Variants in COL26A1 observed in about 807,000 individuals in gnomAD.
COL26A1 encodes the protein collagen alpha-1(XXVI) chain.
In COL26A1, 41 loss-of-function variants were observed where a neutral mutation model predicts 59.3. The observed-to-expected ratio is 0.69, with a 90% confidence interval of 0.54 to 0.90. The LOEUF is 0.90. COL26A1 is among the 40% of genes least tolerant of loss of function. COL26A1 has a pLI of 0.00. For missense variants in COL26A1, 612 were observed against 602.3 expected (o/e 1.02, Z -0.17); for synonymous variants, 266 against 256.0 (o/e 1.04, Z -0.37).
chr7:101,421,686 T>C (rs1036913144), intron 2 of COL26A1, among the ~76,000 whole-genome samples: 1 of 151,828 alleles, frequency 6.6e-6, no homozygotes, highest in African/African-American at 2.4e-5. Context: ...GTCTCATGAC[T>C]GGTGATGTTA....
intron 1 of COL26A1, among the ~76,000 whole-genome samples, chr7:101,400,588 C>T (rs1472018531): frequency 2.0e-5 from 3 of 151,034 alleles, no homozygotes; most frequent in African/African-American, 7.3e-5. Context: ...GATGGAGTTT[C>T]GCTCTTGTTG....
At position 101,375,068 on chromosome 7, in the gene COL26A1, A is replaced by T. The variant is rs561310120; in HGVS notation, c.158+11878A>T. ...GAGTAAGACTCCATCTTAAAAAAAA[A>T]TTTTTTTTAAATAAATAAAAAAAAA... On this transcript the variant is annotated intron_variant, in intron 1 of 12. Transcript: ENST00000313669. 3.1e-3 allele frequency among the ~76,000 whole-genome samples: 464 copies of T among 150,406 alleles called. 2 individuals are homozygous for T. The highest frequency in any genetic ancestry group is 0.01 in the Middle Eastern group (3 of 292).
At chr7:101,379,715 G>A (rs1382245958) in intron 1 of COL26A1, among the ~76,000 whole-genome samples, 1 of 152,164 alleles carries the variant, frequency 6.6e-6, no homozygotes, top group African/African-American at 2.4e-5. Context: ...AAAACAGGTT[G>A]CAGTAAAAAA....
chr7:101,408,928 AAGAC>A (rs1195968813), intron 1 of COL26A1, among the ~76,000 whole-genome samples: 3 of 152,356 alleles, frequency 2.0e-5, no homozygotes, highest in South Asian at 4.1e-4. Context: ...TGGCCTCAAG[AAGAC>A]AGACAGCCAC....
intron 2 of COL26A1, among the ~76,000 whole-genome samples, chr7:101,435,596 G>A (rs1209890401): frequency 6.6e-6 from 1 of 152,162 alleles, no homozygotes; most frequent in Non-Finnish European, 1.5e-5. Context: ...TGGGGACGTT[G>A]GGCGTCACGG....
intron 1 of COL26A1, among the ~76,000 whole-genome samples, chr7:101,411,036 G>C (rs914572437): frequency 7.2e-5 from 11 of 152,206 alleles, no homozygotes; most frequent in Non-Finnish European, 1.5e-4. Context: ...AGTGAGGGCA[G>C]GTGTGGTGCT....
intron 3 of COL26A1, among the ~76,000 whole-genome samples, chr7:101,493,680 T>C (rs1424595567): frequency 6.7e-6 from 1 of 149,234 alleles, no homozygotes; most frequent in Non-Finnish European, 1.5e-5. Context: ...CCTGGCACTT[T>C]GGGAGGCCAA....
chr7:101,460,148 C>T (rs956991147), intron 3 of COL26A1, among the ~76,000 whole-genome samples: 13 of 152,100 alleles, frequency 8.5e-5, no homozygotes, highest in African/African-American at 1.2e-4. Flanking sequence ...ACGTTCCGGG[C>T]GCCGGATGCT....
chr7:101,462,802 G>C (rs1440995115), intron 3 of COL26A1, among the ~76,000 whole-genome samples: 1 of 152,090 alleles, frequency 6.6e-6, no homozygotes, highest in Admixed American at 6.6e-5. Context: ...CCGAGAAGCA[G>C]AGAATGGGGC....
chr7:101,482,978 A>G (rs1199801855), intron 3 of COL26A1, among the ~76,000 whole-genome samples: 1 of 152,018 alleles, frequency 6.6e-6, no homozygotes, highest in African/African-American at 2.4e-5. Context: ...AACAAAACAG[A>G]GTTCCTTAGG....
intron 7 of COL26A1, 46 bp downstream of exon 7, chr7:101,545,536 T>C: frequency 6.4e-7 from 1 of 1,567,428 alleles, no homozygotes; most frequent in Non-Finnish European, 8.6e-7. Context: ...AGCTACGCTG[T>C]GTTCTGGGAG....
At chr7:101,476,180 G>T (rs532703141) in intron 3 of COL26A1, among the ~76,000 whole-genome samples, 3 of 148,902 alleles carry the variant, frequency 2.0e-5, no homozygotes, top group Non-Finnish European at 4.5e-5. Context: ...GTGTGTGTGA[G>T]TAGAGATGGG....
At chr7:101,383,684 G>C (rs897093472) in intron 1 of COL26A1, among the ~76,000 whole-genome samples, 2 of 152,194 alleles carry the variant, frequency 1.3e-5, no homozygotes, top group African/African-American at 4.8e-5. Flanking sequence ...ATAGGCATGT[G>C]CCACCGTGCC....
chr7:101,421,545 G>A (rs960309492), intron 2 of COL26A1, among the ~76,000 whole-genome samples: 4 of 151,958 alleles, frequency 2.6e-5, no homozygotes, highest in African/African-American at 9.7e-5. Flanking sequence ...CGTGGTGGTG[G>A]GCGCCTGCAA....
chr7:101,377,911 T>C (rs568639010), intron 1 of COL26A1, among the ~76,000 whole-genome samples: 38 of 152,302 alleles, frequency 2.5e-4, no homozygotes, highest in African/African-American at 8.9e-4. Context: ...AATTTTAATT[T>C]TTTTACATTT....
intron 1 of COL26A1, among the ~76,000 whole-genome samples, chr7:101,370,206 G>A (rs1256080891): frequency 6.6e-6 from 1 of 151,972 alleles, no homozygotes; most frequent in African/African-American, 2.4e-5. Context: ...GCCTTTCAGG[G>A]GTAAGAATAG....
intron 3 of COL26A1, among the ~76,000 whole-genome samples, chr7:101,461,288 CCCTCCT>C (rs939722948): frequency 2.1e-5 from 3 of 140,102 alleles, no homozygotes; most frequent in African/African-American, 8.5e-5. Flanking sequence ...ACTGCACCTG[CCCTCCT>C]CCTCCTCCTC....
chr7:101,401,716 A>T, intron 1 of COL26A1, among the ~76,000 whole-genome samples: 1 of 148,946 alleles, frequency 6.7e-6, no homozygotes, highest in Non-Finnish European at 1.5e-5. Context: ...GAGGTAGAGG[A>T]AGAGGAGGAG....
intron 1 of COL26A1, among the ~76,000 whole-genome samples, chr7:101,414,763 G>C (rs75591773): frequency 0.015 from 2,307 of 152,268 alleles, 24 homozygotes; most frequent in East Asian, 0.038. Flanking sequence ...AACACACACT[G>C]AGTGCTTGAG....
Sources: allele counts gnomAD v4.1 joint callset (sites outside exome capture counted in the v4.1 genomes callset), GRCh38; gene constraint gnomAD v4.1.1; transcripts MANE v1.5; gene names NCBI Gene and HGNC (gene_info 2026-07-23, HGNC 2026-07-21).